Variants in APTX observed in about 807,000 individuals in gnomAD.
APTX encodes forkhead-associated domain histidine triad-like protein.
Under a neutral mutation model 42.3 loss-of-function variants are expected in APTX, and 33 were observed. That is an observed-to-expected ratio of 0.78 (90% CI 0.59 to 1.04). The LOEUF is 1.04. Ranked by LOEUF, APTX falls within the 50% of genes least tolerant of loss-of-function variation. The pLI is 0.00. For missense variants in APTX, 421 were observed against 415.1 expected (o/e 1.01, Z -0.12); for synonymous variants, 130 against 146.7 (o/e 0.89, Z 0.82).
intron 4 of APTX, 117 bp from the exon 5 acceptor site, chr9:32,986,147 G>C: frequency 2.1e-6 from 2 of 952,440 alleles, no homozygotes; most frequent in Non-Finnish European, 3.4e-6. Context: ...ACTAAACTTG[G>C]AAATAAGCTT....
At chr9:33,021,446 TA>T (rs141705764) in intron 1 of APTX, among the ~76,000 whole-genome samples, 10,717 of 151,884 alleles carry the variant, frequency 0.071, 514 homozygotes, top group Non-Finnish European at 0.11. Flanking sequence ...ATAAACATAT[TA>T]AAAAAAATAC....
At chr9:33,008,247 A>G (rs922607732) in intron 1 of APTX, among the ~76,000 whole-genome samples, 2 of 151,136 alleles carry the variant, frequency 1.3e-5, no homozygotes, top group Non-Finnish European at 2.9e-5. Flanking sequence ...TAATATAAAT[A>G]AACAACAAAG....
At chr9:32,999,278 A>G (rs1433022191) in intron 1 of APTX, among the ~76,000 whole-genome samples, 1 of 152,226 alleles carries the variant, frequency 6.6e-6, no homozygotes, top group Non-Finnish European at 1.5e-5. Flanking sequence ...TGAGAGCTAG[A>G]TACAGAAGGA....
chr9:32,977,178 A>G (rs183743833), intron 6 of APTX, among the ~76,000 whole-genome samples: 6 of 152,328 alleles, frequency 3.9e-5, no homozygotes, highest in African/African-American at 1.4e-4. Flanking sequence ...TTAATTGATA[A>G]AAGTTTCATA....
intron 1 of APTX, among the ~76,000 whole-genome samples, chr9:33,000,299 C>T (rs1249150707): frequency 6.6e-6 from 1 of 152,100 alleles, no homozygotes; most frequent in Non-Finnish European, 1.5e-5. Context: ...GTAGGGCAAG[C>T]AGGAGCTGTG....
chr9:32,986,043 C>CAA lies in APTX; in HGVS notation c.484-15_484-14dup, dbSNP rs752438493. 2.7e-4 allele frequency: 263 copies of CAA among 986,284 alleles called. No individual in the cohort carries two copies. Among genetic ancestry groups the CAA allele is most frequent in the East Asian group, 1.1e-3 (39 of 34,504 alleles). The allele number at this position is 986,284 out of a possible 1,614,324, so 61.1% of individuals were successfully genotyped here. On this transcript the variant is annotated splice_polypyrimidine_tract_variant and intron_variant, in intron 4 of 7. Coordinates refer to ENST00000379817, the MANE Select transcript of APTX (RefSeq NM_001195248.2). ...GGCCCAGGGATTCCTAAAAAAAAAACAAAAAAAAAAACAAAAAAAAAAAAA... is the reference window on the plus strand; with the variant it reads ...GGCCCAGGGATTCCTAAAAAAAAAACAAAAAAAAAAAAACAAAAAAAAAAAAA...
upstream of APTX, among the ~76,000 whole-genome samples, chr9:33,003,229 C>A (rs1031658078): frequency 1.3e-5 from 2 of 152,200 alleles, no homozygotes; most frequent in African/African-American, 4.8e-5. Flanking sequence ...AGAGTTTCCA[C>A]GTCCTGCTTG....
intron 1 of APTX, among the ~76,000 whole-genome samples, chr9:33,008,620 T>C (rs926424363): frequency 6.6e-6 from 1 of 151,868 alleles, no homozygotes; most frequent in African/African-American, 2.4e-5. Flanking sequence ...GGCACGATCT[T>C]GGCTCACTGC....
In APTX at chr9:32,973,550, A is replaced by G; in HGVS notation, c.977T>C (p.Leu326Pro). ...PLRCHECQQL[L>P]PSIPQLKEHL... Reference sequence around the variant, plus strand: ...TTCTTTCAGCTGAGGAATGGAAGGCAGCAGCTGCTGGCACTCATGACAACG... The same window carrying G: ...TTCTTTCAGCTGAGGAATGGAAGGCGGCAGCTGCTGGCACTCATGACAACG... Residue 326 changes from leucine to proline, a missense_variant, in exon 8 of 8, where the codon CTG (leucine) becomes CCG (proline). By Grantham distance (98) the Leu-to-Pro change is moderately conservative. Coordinates refer to ENST00000379817, the MANE Select transcript of APTX (RefSeq NM_001195248.2). 6.2e-7 allele frequency: 1 copy of G among 1,614,122 alleles called. No individual in the cohort carries two copies. The highest frequency in any genetic ancestry group is 8.5e-7 in the Non-Finnish European group (1 of 1,180,024).
intron 4 of APTX, among the ~76,000 whole-genome samples, chr9:32,987,164 A>T (rs1832386890): frequency 6.6e-6 from 1 of 152,236 alleles, no homozygotes; most frequent in African/African-American, 2.4e-5. Context: ...GAGAAATGCC[A>T]GAGTATGAGT....
intron 1 of APTX, among the ~76,000 whole-genome samples, chr9:33,000,830 GCTTTTTTTTTTTTT>G (rs1388506569): frequency 1.4e-5 from 2 of 140,254 alleles, no homozygotes; most frequent in African/African-American, 2.6e-5. Flanking sequence ...ATGGGGAAAG[GCTTTTTTTTTTTTT>G]CTTTTTTTTT....
At chr9:33,013,596 G>A (rs531822011) in intron 1 of APTX, among the ~76,000 whole-genome samples, 100 of 152,142 alleles carry the variant, frequency 6.6e-4, no homozygotes, top group Non-Finnish European at 1.2e-3. Context: ...CACAAGGTCA[G>A]GAGATCGAGA....
At chr9:33,015,579 G>T (rs1338322164) in intron 1 of APTX, among the ~76,000 whole-genome samples, 2 of 152,118 alleles carry the variant, frequency 1.3e-5, no homozygotes, top group East Asian at 3.8e-4. Flanking sequence ...GGCTGGCCTT[G>T]AACTCCTGAT....
At chr9:32,993,218 A>C (rs1037936073) in intron 1 of APTX, among the ~76,000 whole-genome samples, 7 of 152,218 alleles carry the variant, frequency 4.6e-5, no homozygotes, top group African/African-American at 1.7e-4. Context: ...CAAAGTTCTC[A>C]AGTTATGGTG....
At chr9:33,019,170 C>T (rs896011919) in intron 1 of APTX, among the ~76,000 whole-genome samples, 1 of 152,104 alleles carries the variant, frequency 6.6e-6, no homozygotes, top group Non-Finnish European at 1.5e-5. Flanking sequence ...AGGAACTCTA[C>T]TATCCTGACA....
At chr9:33,021,568 A>C (rs982287865) in intron 1 of APTX, among the ~76,000 whole-genome samples, 4 of 152,232 alleles carry the variant, frequency 2.6e-5, no homozygotes, top group Non-Finnish European at 5.9e-5. Context: ...CACGCCTATA[A>C]TACCAGCACT....
intron 1 of APTX, among the ~76,000 whole-genome samples, chr9:33,018,670 G>A (rs1838109899): frequency 6.6e-6 from 1 of 151,006 alleles, no homozygotes; most frequent in African/African-American, 2.4e-5. Flanking sequence ...ACGAGGTCAG[G>A]AGTTCAAGAC....
intron 1 of APTX, among the ~76,000 whole-genome samples, chr9:33,008,486 C>A (rs1310390170): frequency 6.6e-6 from 1 of 151,894 alleles, no homozygotes; most frequent in Non-Finnish European, 1.5e-5. Context: ...AGCAGTCCTC[C>A]AAACTCGGCC....
intron 1 of APTX, among the ~76,000 whole-genome samples, chr9:33,022,649 A>G (rs1305872453): frequency 1.3e-5 from 2 of 152,232 alleles, no homozygotes; most frequent in African/African-American, 2.4e-5. Context: ...CGGTGCCTAC[A>G]TACTACGCCA....
Sources: allele counts gnomAD v4.1 joint callset (sites outside exome capture counted in the v4.1 genomes callset), GRCh38; gene constraint gnomAD v4.1.1; transcripts MANE v1.5; gene names NCBI Gene and HGNC (gene_info 2026-07-23, HGNC 2026-07-21).